The following STRN variants were observed in gnomAD, a reference collection of about 807,000 sequenced individuals.
STRN encodes striatin.
Under a neutral mutation model 96.3 loss-of-function variants are expected in STRN, and 53 were observed. That is an observed-to-expected ratio of 0.55 (90% CI 0.44 to 0.69). The LOEUF is 0.69. STRN is among the 30% of genes least tolerant of loss of function. The pLI is 0.00. For missense variants in STRN, 987 were observed against 963.9 expected (o/e 1.02, Z -0.32); for synonymous variants, 428 against 355.9 (o/e 1.20, Z -2.28).
At position 36,928,294 on chromosome 2, in the gene STRN, G is replaced by C. The variant is rs1006679293; in HGVS notation, c.235-3086C>G. ...TTGAATTGAGGAAGGGCGAGGGTGA[G>C]AGACATAAAAGACGAAAACAGCAAA... On this transcript the variant is annotated intron_variant, in intron 1 of 17. Transcript: ENST00000263918. Among the ~76,000 whole-genome samples the C allele has an allele frequency of 3.9e-5, 6 of 151,930 alleles. No individual in the cohort carries two copies. The East Asian group carries it at 5.8e-4, about 15-fold the overall frequency.
intron 7 of STRN, among the ~76,000 whole-genome samples, chr2:36,888,580 T>C (rs568976868): frequency 2.0e-5 from 3 of 152,232 alleles, no homozygotes; most frequent in South Asian, 4.1e-4. Context: ...TTTTACTCAA[T>C]TGTTATCTTC....
At chr2:36,902,938 C>T (rs1669727856) in intron 4 of STRN, 187 bp from the exon 5 acceptor site, 1 of 384,238 alleles carries the variant, frequency 2.6e-6, no homozygotes, top group Non-Finnish European at 4.5e-6. Flanking sequence ...CAGTACCAGC[C>T]TCTACAGTCA....
At chr2:36,888,232 A>G (rs933619369) in intron 7 of STRN, among the ~76,000 whole-genome samples, 8 of 152,180 alleles carry the variant, frequency 5.3e-5, no homozygotes, top group South Asian at 2.1e-4. Flanking sequence ...GATTACTGCA[A>G]TAATTGTTCC....
chr2:36,945,111 G>C (rs762544639), intron 1 of STRN, among the ~76,000 whole-genome samples: 1 of 151,960 alleles, frequency 6.6e-6, no homozygotes, highest in Admixed American at 6.6e-5. Context: ...AAACATCACA[G>C]CTGGATCTTT....
At chr2:36,898,604 T>A (rs1342499347) in intron 6 of STRN, among the ~76,000 whole-genome samples, 1 of 152,174 alleles carries the variant, frequency 6.6e-6, no homozygotes, top group Non-Finnish European at 1.5e-5. Context: ...CCTCACAAAA[T>A]CCTCCAAGGT....
At chr2:36,933,557 G>C (rs1443018268) in intron 1 of STRN, among the ~76,000 whole-genome samples, 1 of 152,176 alleles carries the variant, frequency 6.6e-6, no homozygotes, top group Non-Finnish European at 1.5e-5. Context: ...CTTTGTTAAG[G>C]CAATGGAGAA....
At chr2:36,943,328 TA>T (rs887258811) in intron 1 of STRN, among the ~76,000 whole-genome samples, 2 of 151,726 alleles carry the variant, frequency 1.3e-5, no homozygotes, top group Non-Finnish European at 2.9e-5. Flanking sequence ...GACAGAAAGA[TA>T]AGCAAAAACA....
intron 1 of STRN, among the ~76,000 whole-genome samples, chr2:36,930,558 G>C (rs1018526404): frequency 6.6e-6 from 1 of 152,068 alleles, no homozygotes; most frequent in East Asian, 1.9e-4. Context: ...AGTAGGTCTG[G>C]AGTGGGGCCC....
rs368387203 is a variant in STRN at position 36,927,524 on chromosome 2, A to AAG, written c.235-2317_235-2316insCT. Among the ~76,000 whole-genome samples the AAG allele has an allele frequency of 2.5e-5, 2 of 79,566 alleles. 1 individual carries two copies. The highest frequency in any genetic ancestry group is 5.1e-5 in the Non-Finnish European group (2 of 38,984). The allele number at this position is 79,566 out of a possible 152,430, so 52.2% of individuals were successfully genotyped here. A position where few individuals can be genotyped will look rare whatever the true frequency, so the allele number is the denominator to read the frequency against. On this transcript the variant is annotated intron_variant, in intron 1 of 17. Coordinates refer to ENST00000263918, the MANE Select transcript of STRN (RefSeq NM_003162.4). ...ACCCTATATCAAAAAAACAAAAAAA[A>AAG]GGGGGGGGGGGGTGGTAATCAGGGC...
At chr2:36,923,852 C>T (rs1648740301) in intron 2 of STRN, among the ~76,000 whole-genome samples, 1 of 152,162 alleles carries the variant, frequency 6.6e-6, no homozygotes, top group East Asian at 1.9e-4. Context: ...AAAAAATGAA[C>T]TCAGATTGTC....
chr2:36,954,635 C>CTTTTT (rs1250882115), intron 1 of STRN, among the ~76,000 whole-genome samples: 1 of 141,284 alleles, frequency 7.1e-6, no homozygotes. Context: ...GAGAGAACCA[C>CTTTTT]TTTTTTTTTT....
intron 1 of STRN, among the ~76,000 whole-genome samples, chr2:36,964,991 AAC>A (rs1419630815): frequency 2.6e-5 from 4 of 152,178 alleles, no homozygotes; most frequent in African/African-American, 9.7e-5. Context: ...GCTAGCAACA[AAC>A]ACAGCCCTTA....
chr2:36,963,480 A>G (rs987601853), intron 1 of STRN, among the ~76,000 whole-genome samples: 1 of 152,244 alleles, frequency 6.6e-6, no homozygotes, highest in African/African-American at 2.4e-5. Context: ...AAGAAGATTC[A>G]AATGTAACGA....
chr2:36,851,009 T>C lies in STRN; in HGVS notation c.2077A>G (p.Asn693Asp). ...CTTAATAAATTCTTACCTGTATTGT[T>C]ATCATAGAATTTGATGTGCCTGTCT... is the stretch of plus-strand genomic sequence containing the variant. ...HEDRHIKFYD[N>D]NTGKLIHSMV... The change falls in exon 16 of 18, where the codon AAC becomes GAC. Residue 693 changes from asparagine (N) to aspartate (D), a missense_variant. Asn to Asp is a conservative substitution (Grantham distance 23). Transcript: ENST00000263918. The C allele has an allele frequency of 6.2e-7, 1 of 1,608,756 alleles. No homozygotes were observed. The highest frequency in any genetic ancestry group is 8.5e-7 in the Non-Finnish European group (1 of 1,176,682).
At chr2:36,965,951 G>A (rs1665146983) in intron 1 of STRN, among the ~76,000 whole-genome samples, 1 of 152,144 alleles carries the variant, frequency 6.6e-6, no homozygotes, top group African/African-American at 2.4e-5. Context: ...GATGGCCAGA[G>A]AGTTGAAATG....
chr2:36,884,807 A>G (rs925894869), intron 8 of STRN, among the ~76,000 whole-genome samples: 4 of 152,150 alleles, frequency 2.6e-5, no homozygotes, highest in African/African-American at 9.7e-5. Flanking sequence ...AACTTTTCCA[A>G]TGAGTACTAG....
At chr2:36,945,139 T>A in intron 1 of STRN, among the ~76,000 whole-genome samples, 1 of 151,202 alleles carries the variant, frequency 6.6e-6, no homozygotes, top group Non-Finnish European at 1.5e-5. Context: ...AAGAGAAAAA[T>A]GGGACAATTG....
Position 36,847,990 on chromosome 2 carries a change from T to C in STRN, c.*1466A>G, listed in dbSNP as rs1218052071. The C allele has an allele frequency of 6.6e-6, 1 of 152,376 alleles. No homozygotes were observed. Among genetic ancestry groups the C allele is most frequent in the East Asian group, 1.9e-4 (1 of 5,194 alleles). 9.4% of individuals were successfully genotyped at this position (152,376 alleles called of 1,614,324 possible). ...TATTTCCAATTTCTAGATTGGTCTC[T>C]GTCATTTGGGACAAAGAGTAAGAGA... On this transcript the variant is annotated 3_prime_UTR_variant, in exon 18 of 18. Transcript: ENST00000263918.
At chr2:36,941,322 G>A (rs1220649157) in intron 1 of STRN, among the ~76,000 whole-genome samples, 1 of 152,166 alleles carries the variant, frequency 6.6e-6, no homozygotes, top group African/African-American at 2.4e-5. Context: ...CAGACTCTAT[G>A]ATCTGGTCAT....
Sources: gnomAD v4.1 joint callset for allele counts (sites outside exome capture counted in the v4.1 genomes callset) on GRCh38, gnomAD v4.1.1 for gene constraint, MANE v1.5 for transcripts, NCBI Gene and HGNC (gene_info 2026-07-23, HGNC 2026-07-21) for gene names.